The following CFAP46 variants were observed in gnomAD, a reference collection of about 807,000 sequenced individuals.
The protein encoded by CFAP46 is cilia and flagella associated protein 46.
Under a neutral mutation model 325.7 loss-of-function variants are expected in CFAP46, and 245 were observed. The ratio of observed to expected loss-of-function variants is 0.75; its 90% CI spans 0.68 to 0.84. The LOEUF (loss-of-function observed/expected upper bound fraction) is 0.84. CFAP46 is among the 40% of genes least tolerant of loss of function. CFAP46 has a pLI of 0.00. For missense variants in CFAP46, 3,346 were observed against 3,543.0 expected (o/e 0.94, Z 1.41); for synonymous variants, 1,523 against 1,495.9 (o/e 1.02, Z -0.42).
chr10:132,811,176 G>A (rs566303222), intron 55 of CFAP46, 145 bp from the exon 56 acceptor site: 7 of 713,878 alleles, frequency 9.8e-6, no homozygotes, highest in Admixed American at 7.0e-5. Flanking sequence ...CCTCATGACC[G>A]TCAGGTTTTT....
rs1360427557 is a variant in CFAP46 at position 132,886,023 on chromosome 10, C to T, written c.3305-64G>A. On this transcript the variant is annotated intron_variant, in intron 25 of 57. Coordinates refer to ENST00000368586, the MANE Select transcript of CFAP46 (RefSeq NM_001200049.3). This position sits in a 1 kb window ranked among gnomAD's most constrained non-coding sequence, Gnocchi z 5.8. ...ATCCCTCATCAAAGGCGCCCTCGGA[C>T]CTCCCAGACTAAGCTGCCCATCACA... The T allele has an allele frequency of 6.5e-7, 1 of 1,529,092 alleles. No homozygotes were observed. The allele number at this position is 1,529,092 out of a possible 1,614,324, so 94.7% of individuals were successfully genotyped here.
chr10:132,823,082 CTGATGTGTGCTTTGTATGTGCTGA>C, intron 50 of CFAP46, among the ~76,000 whole-genome samples: 1 of 117,804 alleles, frequency 8.5e-6, no homozygotes, highest in Non-Finnish European at 1.7e-5. Context: ...GCTGTGTGTG[CTGATGTGTGCTTTGTATGTGCTGA>C]TGTGTGCTGT....
Position 132,822,042 on chromosome 10 carries a change from CTGA to C in CFAP46, c.7118-7131_7118-7129del, listed in dbSNP as rs1488578136. ...TGTGCTGTGTGAGTGCTGATGTGTG[CTGA>C]TGTGTGCTGTGTGTGCTGATGTGTG... On this transcript the variant is annotated intron_variant, in intron 50 of 57. Coordinates refer to ENST00000368586, the MANE Select transcript of CFAP46 (RefSeq NM_001200049.3). Among the ~76,000 whole-genome samples, 7 of 123,130 alleles carry C rather than the reference CTGA, an allele frequency of 5.7e-5. No individual in the cohort carries two copies. In the East Asian group the frequency reaches 7.8e-4, roughly 14 times the overall value. 80.8% of individuals were successfully genotyped at this position (123,130 alleles called of 152,430 possible).
chr10:132,842,156 G>C (rs1228420319), intron 44 of CFAP46, among the ~76,000 whole-genome samples: 1 of 152,164 alleles, frequency 6.6e-6, no homozygotes, highest in Non-Finnish European at 1.5e-5. Context: ...TCCGTGTAGT[G>C]GTTAGAAGTA....
chr10:132,922,029 G>C lies in CFAP46; in HGVS notation c.1606+75C>G, dbSNP rs559932317. On this transcript the variant is annotated intron_variant, in intron 13 of 57. Coordinates refer to ENST00000368586, the MANE Select transcript of CFAP46 (RefSeq NM_001200049.3). Reference sequence around the variant, plus strand: ...CGGTGGCAGGGAGCATGGGGACTGGGGAGGCCCCGGGGCAGCCTGGGAGCC... The same window carrying C: ...CGGTGGCAGGGAGCATGGGGACTGGCGAGGCCCCGGGGCAGCCTGGGAGCC... 1.9e-4 allele frequency: 281 copies of C among 1,489,358 alleles called. 1 individual carries two copies. In the East Asian group the frequency reaches 5.8e-3, roughly 31 times the overall value. 92.3% of individuals were successfully genotyped at this position (1,489,358 alleles called of 1,614,324 possible). A position where few individuals can be genotyped will look rare whatever the true frequency, so the allele number is the denominator to read the frequency against.
chr10:132,853,147 TCAGTC>T (rs1848587017), intron 39 of CFAP46, among the ~76,000 whole-genome samples: 23 of 152,196 alleles, frequency 1.5e-4, no homozygotes, highest in Admixed American at 1.5e-3. Flanking sequence ...AAAGGGGGCA[TCAGTC>T]TTTCTCCCAC....
At chr10:132,860,275 G>A (rs1848702925) in intron 37 of CFAP46, 142 bp downstream of exon 37, 3 of 623,136 alleles carry the variant, frequency 4.8e-6, no homozygotes, top group Non-Finnish European at 5.7e-6. Context: ...TTCTGGAGCT[G>A]CACGGAAAGC....
rs1848910741 is a variant in CFAP46 at position 132,872,747 on chromosome 10, G to A, written c.4440C>T (p.Val1480=). The part of the protein sequence containing the change: ...KMCLHELTVP[V]LQLGVLISDS... ...CCGAAATCAGCACCCCCAACTGCAGGACGGGAACCGTGAGTTCGTGCAGGC... is the reference window on the plus strand; with the variant it reads ...CCGAAATCAGCACCCCCAACTGCAGAACGGGAACCGTGAGTTCGTGCAGGC... The change falls in exon 32 of 58, where the codon GTC becomes GTT. Residue 1480 remains valine, a synonymous_variant. Coordinates refer to ENST00000368586, the MANE Select transcript of CFAP46 (RefSeq NM_001200049.3). 4.5e-6 allele frequency: 7 copies of A among 1,550,814 alleles called. No homozygotes were observed. The highest frequency in any genetic ancestry group is 6.1e-6 in the Non-Finnish European group (7 of 1,147,078).
chr10:132,909,909 G>A lies in CFAP46; in HGVS notation c.2649+10C>T, dbSNP rs1033435696. On this transcript the variant is annotated intron_variant, in intron 20 of 57. Transcript: ENST00000368586. ...TCAGTCAGAGCCCAGATGTGGGCAGGGGCGCCCACCTGCTCCTCGGTGCCC... is the reference window on the plus strand; with the variant it reads ...TCAGTCAGAGCCCAGATGTGGGCAGAGGCGCCCACCTGCTCCTCGGTGCCC... 3 of 1,436,634 alleles carry A rather than the reference G, an allele frequency of 2.1e-6. No individual in the cohort carries two copies. Among genetic ancestry groups the A allele is most frequent in the African/African-American group, 2.9e-5 (2 of 68,876 alleles). The allele number at this position is 1,436,634 out of a possible 1,614,324, so 89.0% of individuals were successfully genotyped here.
chr10:132,873,275 A>C (rs528110374), intron 31 of CFAP46, among the ~76,000 whole-genome samples: 8 of 152,268 alleles, frequency 5.3e-5, no homozygotes, highest in Non-Finnish European at 1.2e-4. Context: ...TGAGTGGGAA[A>C]TTAGGAAAGT....
intron 4 of CFAP46, 73 bp from the exon 5 acceptor site, chr10:132,938,826 G>C: frequency 6.9e-7 from 1 of 1,454,798 alleles, no homozygotes; most frequent in East Asian, 2.3e-5. Flanking sequence ...CCAAGGGGCC[G>C]CTGTGTCTCC....
intron 44 of CFAP46, among the ~76,000 whole-genome samples, chr10:132,840,827 A>G (rs1378252011): frequency 6.6e-6 from 1 of 152,020 alleles, no homozygotes; most frequent in African/African-American, 2.4e-5. Flanking sequence ...GGTACTGGGG[A>G]TCTCTGCTGT....
chr10:132,878,109 T>C, intron 29 of CFAP46, 22 bp from the exon 30 acceptor site: 1 of 1,549,384 alleles, frequency 6.5e-7, no homozygotes, highest in Non-Finnish European at 8.7e-7. Context: ...GAAATCCACA[T>C]TTGCAGCACT....
intron 38 of CFAP46, among the ~76,000 whole-genome samples, chr10:132,858,556 C>A (rs1355639034): frequency 6.6e-6 from 1 of 151,938 alleles, no homozygotes; most frequent in Non-Finnish European, 1.5e-5. Flanking sequence ...CTGTGCTGGC[C>A]CTGCCCTCGG....
At chr10:132,909,677 G>A (rs543928239) in intron 20 of CFAP46, among the ~76,000 whole-genome samples, 5 of 152,344 alleles carry the variant, frequency 3.3e-5, no homozygotes, top group Admixed American at 2.0e-4. Flanking sequence ...TTGGGAGAGC[G>A]CAGCACCCCC....
Position 132,922,399 on chromosome 10 carries a change from C to T in CFAP46, c.1485+81G>A, listed in dbSNP as rs575128253. 16 of 1,460,500 alleles carry T rather than the reference C, an allele frequency of 1.1e-5. No homozygotes were observed. The South Asian group carries it at 2.1e-4, about 19-fold the overall frequency. 90.5% of individuals were successfully genotyped at this position (1,460,500 alleles called of 1,614,324 possible). A position where few individuals can be genotyped will look rare whatever the true frequency, so the allele number is the denominator to read the frequency against. ...TCAGGCAGCCCTGGGCGGCTCCCGC[C>T]CTGCTGTGCCCTCAGAGCCCCGCCC... On this transcript the variant is annotated intron_variant, in intron 12 of 57. Transcript: ENST00000368586.
At chr10:132,854,452 C>CTGA (rs1848610328) in intron 39 of CFAP46, among the ~76,000 whole-genome samples, 1 of 152,210 alleles carries the variant, frequency 6.6e-6, no homozygotes, top group Non-Finnish European at 1.5e-5. Context: ...ATTCTCCTGC[C>CTGA]TCAGCCTCCC....
intron 11 of CFAP46, among the ~76,000 whole-genome samples, chr10:132,924,133 G>C (rs4075001): frequency 0.55 from 83,791 of 151,776 alleles, 24,078 homozygotes; most frequent in African/African-American, 0.7. Context: ...CTCTGCAACA[G>C]CTTGTGGCTG....
chr10:132,839,688 A>C (rs1172875748), intron 44 of CFAP46, among the ~76,000 whole-genome samples: 2 of 152,174 alleles, frequency 1.3e-5, no homozygotes, highest in African/African-American at 4.8e-5. Context: ...ATTTGCTTCT[A>C]TCTTAATTTT....
Sources: allele counts gnomAD v4.1 joint callset (sites outside exome capture counted in the v4.1 genomes callset), GRCh38; gene constraint gnomAD v4.1.1; non-coding constraint Gnocchi (gnomAD v3.1); transcripts MANE v1.5; gene names NCBI Gene and HGNC (gene_info 2026-07-23, HGNC 2026-07-21).